COL25A1: variants seen among roughly 807,000 people sequenced by gnomAD.
The protein encoded by COL25A1 is collagen alpha-1(XXV) chain.
Under a neutral mutation model 128.4 loss-of-function variants are expected in COL25A1, and 103 were observed. That is an observed-to-expected ratio of 0.80 (90% CI 0.68 to 0.94). The LOEUF is 0.94. Ranked by LOEUF, COL25A1 falls within the 40% of genes least tolerant of loss-of-function variation. The pLI is 0.00. For synonymous variants in COL25A1, 279 were observed against 277.2 expected (o/e 1.01, Z -0.06); for missense variants, 745 against 840.0 (o/e 0.89, Z 1.40).
intron 11 of COL25A1, among the ~76,000 whole-genome samples, chr4:108,931,046 G>A (rs751539961): frequency 6.6e-4 from 100 of 152,060 alleles, no homozygotes; most frequent in Non-Finnish European, 6.2e-4. Context: ...TGCTTCAGTA[G>A]AGCTAGAATA....
At chr4:109,216,065 T>C (rs372834362) in intron 3 of COL25A1, among the ~76,000 whole-genome samples, 28 of 152,098 alleles carry the variant, frequency 1.8e-4, no homozygotes, top group East Asian at 1.2e-3. Flanking sequence ...TGATCCTCTT[T>C]CCTTGTTTTA....
intron 3 of COL25A1, among the ~76,000 whole-genome samples, chr4:109,106,735 A>T (rs967392633): frequency 7.6e-6 from 1 of 132,384 alleles, no homozygotes; most frequent in African/African-American, 2.8e-5. Flanking sequence ...GACTATATGC[A>T]TGTGTAATTC....
chr4:108,917,852 T>C (rs1745046364), intron 13 of COL25A1, among the ~76,000 whole-genome samples: 1 of 152,192 alleles, frequency 6.6e-6, no homozygotes, highest in Non-Finnish European at 1.5e-5. Flanking sequence ...ATTTTGTTTA[T>C]CACTATCAAT....
At chr4:108,814,079 C>G in intron 37 of COL25A1, 150 bp from the exon 38 acceptor site, 1 of 628,726 alleles carries the variant, frequency 1.6e-6, no homozygotes, top group South Asian at 2.0e-5. Flanking sequence ...AATTGATTAT[C>G]TGATATGTGT....
At chr4:109,094,931 A>C (rs931272229) in intron 3 of COL25A1, among the ~76,000 whole-genome samples, 1 of 152,220 alleles carries the variant, frequency 6.6e-6, no homozygotes, top group African/African-American at 2.4e-5. Context: ...ATATATACTA[A>C]TCATGCATTT....
intron 3 of COL25A1, among the ~76,000 whole-genome samples, chr4:109,068,234 TC>T (rs1484052009): frequency 6.6e-6 from 1 of 151,990 alleles, no homozygotes; most frequent in Admixed American, 6.6e-5. Context: ...TATTAAAGGC[TC>T]CCCAAACTCA....
chr4:109,239,082 T>C (rs1779659302), intron 3 of COL25A1, among the ~76,000 whole-genome samples: 1 of 151,952 alleles, frequency 6.6e-6, no homozygotes, highest in Non-Finnish European at 1.5e-5. Context: ...ATGGAAATCT[T>C]TGAACCAACT....
At chr4:109,294,067 A>G (rs1724729131) in intron 3 of COL25A1, among the ~76,000 whole-genome samples, 1 of 152,140 alleles carries the variant, frequency 6.6e-6, no homozygotes, top group Admixed American at 6.6e-5. Context: ...AGGACACTAG[A>G]GTTTTCAAAT....
chr4:109,276,181 C>G (rs1045102309), intron 3 of COL25A1, among the ~76,000 whole-genome samples: 1 of 152,048 alleles, frequency 6.6e-6, no homozygotes, highest in Non-Finnish European at 1.5e-5. Context: ...GAGGCTGAGG[C>G]GGGTGGATCA....
intron 8 of COL25A1, among the ~76,000 whole-genome samples, chr4:108,951,548 G>A (rs1003085098): frequency 3.3e-5 from 5 of 151,834 alleles, no homozygotes; most frequent in Non-Finnish European, 7.4e-5. Context: ...ACCACGCCCG[G>A]CAAATTTTTG....
At chr4:109,077,126 C>A (rs1189516366) in intron 3 of COL25A1, among the ~76,000 whole-genome samples, 1 of 152,048 alleles carries the variant, frequency 6.6e-6, no homozygotes, top group Non-Finnish European at 1.5e-5. Context: ...GGCACAACAC[C>A]AAACAATAAG....
At chr4:108,877,243 T>A (rs894858638) in intron 19 of COL25A1, among the ~76,000 whole-genome samples, 2 of 152,204 alleles carry the variant, frequency 1.3e-5, no homozygotes, top group African/African-American at 2.4e-5. Context: ...GAGGGCCTCA[T>A]CATCTCACAC....
chr4:108,918,283 T>C, intron 12 of COL25A1, 67 bp from the exon 13 acceptor site: 1 of 1,187,116 alleles, frequency 8.4e-7, no homozygotes, highest in East Asian at 2.4e-5. Flanking sequence ...AAATTTATAT[T>C]GTATTAGTTA....
At chr4:109,180,239 A>G (rs1225903053) in intron 3 of COL25A1, among the ~76,000 whole-genome samples, 1 of 152,170 alleles carries the variant, frequency 6.6e-6, no homozygotes, top group African/African-American at 2.4e-5. Context: ...GACCTTTGGC[A>G]ACACTGCCAA....
At chr4:109,063,556 T>C (rs955131571) in intron 3 of COL25A1, among the ~76,000 whole-genome samples, 19 of 148,000 alleles carry the variant, frequency 1.3e-4, no homozygotes, top group Non-Finnish European at 2.4e-4. Flanking sequence ...AAAAATGAGG[T>C]ACAGCCCCAG....
rs376682361 is a variant in COL25A1, at chr4:109,123,562, C to T, written c.368-73383G>A. On this transcript the variant is annotated intron_variant, in intron 3 of 37. Transcript: ENST00000399132. ...TTAATAACTACATGGAAATACAAAC[C>T]ATAAAGTAAACTGAACTTCTCCCTA... 2.9e-3 allele frequency among the ~76,000 whole-genome samples: 430 copies of T among 149,530 alleles called. 1 individual carries two copies. Among genetic ancestry groups the T allele is most frequent in the African/African-American group, 9.8e-3 (400 of 40,928 alleles).
intron 20 of COL25A1, among the ~76,000 whole-genome samples, chr4:108,865,143 T>C (rs1002592813): frequency 7.2e-5 from 11 of 152,186 alleles, no homozygotes; most frequent in African/African-American, 2.7e-4. Context: ...TCTGGCTTCT[T>C]GCATAAGGGG....
At chr4:109,254,171 T>C (rs1472444378) in intron 3 of COL25A1, among the ~76,000 whole-genome samples, 1 of 151,452 alleles carries the variant, frequency 6.6e-6, no homozygotes. Context: ...GTGGTATAGA[T>C]AATTTTATGT....
intron 19 of COL25A1, among the ~76,000 whole-genome samples, chr4:108,880,053 C>G (rs1462192294): frequency 6.6e-6 from 1 of 152,126 alleles, no homozygotes; most frequent in African/African-American, 2.4e-5. Flanking sequence ...AGGTGATCCA[C>G]CCGCCTTGGC....
Sources: allele counts gnomAD v4.1 joint callset (sites outside exome capture counted in the v4.1 genomes callset), GRCh38; gene constraint gnomAD v4.1.1; transcripts MANE v1.5; gene names NCBI Gene and HGNC (gene_info 2026-07-23, HGNC 2026-07-21).